Variants in AUTS2 observed in about 807,000 individuals in gnomAD.
AUTS2 encodes the protein autism susceptibility gene 2 protein.
Under a neutral mutation model 112.4 loss-of-function variants are expected in AUTS2, and 17 were observed. The observed-to-expected ratio is 0.15, with a 90% confidence interval of 0.10 to 0.23. The LOEUF is 0.23. AUTS2 is among the 10% of genes least tolerant of loss of function. AUTS2 has a pLI of 1.00. For synonymous variants in AUTS2, 751 were observed against 702.7 expected, an observed-to-expected ratio of 1.07 and a Z score of -1.09; for missense variants, 1,510 against 1,701.6, an observed-to-expected ratio of 0.89 and a Z score of 1.98.
At chr7:70,543,335 C>T (rs1055721513) in intron 5 of AUTS2, among the ~76,000 whole-genome samples, 2 of 151,982 alleles carry the variant, frequency 1.3e-5, no homozygotes, top group Admixed American at 6.6e-5. Flanking sequence ...AACCTCGTCT[C>T]TACTAAAAAT....
intron 1 of AUTS2, among the ~76,000 whole-genome samples, chr7:69,827,963 T>C (rs1791328334): frequency 6.6e-6 from 1 of 152,242 alleles, no homozygotes; most frequent in Non-Finnish European, 1.5e-5. Context: ...TTGTAGAAAC[T>C]GCCATGCCTC....
At chr7:69,996,632 C>G (rs1798952860) in intron 2 of AUTS2, among the ~76,000 whole-genome samples, 2 of 152,240 alleles carry the variant, frequency 1.3e-5, no homozygotes, top group East Asian at 3.9e-4. Flanking sequence ...TCTCGCCCAC[C>G]CGCTTCCCTT....
At chr7:70,112,071 C>T (rs1170020238) in intron 2 of AUTS2, among the ~76,000 whole-genome samples, 1 of 151,626 alleles carries the variant, frequency 6.6e-6, no homozygotes, top group East Asian at 1.9e-4. Flanking sequence ...TATAATTAGG[C>T]CATTTATTTC....
intron 1 of AUTS2, among the ~76,000 whole-genome samples, chr7:69,773,839 G>GT (rs1788778298): frequency 6.6e-6 from 1 of 152,210 alleles, no homozygotes; most frequent in Non-Finnish European, 1.5e-5. Context: ...AAAAAATAAT[G>GT]TGAGTCAGCT....
At chr7:70,567,390 C>T (rs762758160) in intron 5 of AUTS2, among the ~76,000 whole-genome samples, 4 of 152,188 alleles carry the variant, frequency 2.6e-5, no homozygotes, top group Non-Finnish European at 5.9e-5. Context: ...AAAAAAATTT[C>T]CATTGAGAGT....
intron 4 of AUTS2, among the ~76,000 whole-genome samples, chr7:70,218,873 A>G (rs992840659): frequency 1.3e-5 from 2 of 152,148 alleles, no homozygotes; most frequent in African/African-American, 4.8e-5. Flanking sequence ...AGCGATATGT[A>G]CCTGTAATTC....
At chr7:69,870,645 C>G (rs1793455166) in intron 1 of AUTS2, among the ~76,000 whole-genome samples, 2 of 151,838 alleles carry the variant, frequency 1.3e-5, no homozygotes, top group South Asian at 2.1e-4. Flanking sequence ...TTACAGTCCC[C>G]TCTTTACTAC....
chr7:70,196,815 T>A (rs1484460775), intron 4 of AUTS2, among the ~76,000 whole-genome samples: 1 of 152,206 alleles, frequency 6.6e-6, no homozygotes. Context: ...GTTTTGGTAC[T>A]ATTAATGGTC....
rs150316591 is a variant in AUTS2, at chr7:69,742,033, T to G, written c.309+142071T>G. On this transcript the variant is annotated intron_variant, in intron 1 of 18. Coordinates refer to ENST00000342771, the MANE Select transcript of AUTS2 (RefSeq NM_015570.4). ...CCAGGCTGGTGTTGAATTCCTGGGC[T>G]AAAGTGATCCTTTCCACCTCAGCCT... is the stretch of plus-strand genomic sequence containing the variant. 3.5e-3 allele frequency among the ~76,000 whole-genome samples: 536 copies of G among 151,514 alleles called. 1 individual carries two copies. Among genetic ancestry groups the G allele is most frequent in the African/African-American group, 0.012 (508 of 41,358 alleles).
chr7:70,720,850 A>T (rs998863432), intron 6 of AUTS2, among the ~76,000 whole-genome samples: 1 of 152,152 alleles, frequency 6.6e-6, no homozygotes, highest in Non-Finnish European at 1.5e-5. Context: ...TTCTCTGGGT[A>T]GAAAGGGTAT....
intron 2 of AUTS2, among the ~76,000 whole-genome samples, chr7:70,113,267 C>T (rs193143852): frequency 6.1e-4 from 93 of 151,994 alleles, no homozygotes; most frequent in African/African-American, 2.0e-3. Context: ...TTTGTGTTTG[C>T]TTATTTCGAT....
intron 4 of AUTS2, among the ~76,000 whole-genome samples, chr7:70,264,852 A>C (rs764298225): frequency 1.8e-4 from 28 of 152,210 alleles, no homozygotes; most frequent in Non-Finnish European, 3.4e-4. Context: ...AAGAACAGCA[A>C]AATTTTTAGA....
Position 69,697,435 on chromosome 7 carries a change from A to G in AUTS2, c.309+97473A>G, listed in dbSNP as rs140286502. On this transcript the variant is annotated intron_variant, in intron 1 of 18. Coordinates refer to ENST00000342771, the MANE Select transcript of AUTS2 (RefSeq NM_015570.4). ...GCCTTGGGGAACTCACAGTTGAGAG[A>G]GGATTAAATTAAGAAACCCACCAAT... Among the ~76,000 whole-genome samples, 220 of 152,316 alleles carry G rather than the reference A, an allele frequency of 1.4e-3. 5 individuals carry two copies. The highest frequency in any genetic ancestry group is 7.5e-3 in the South Asian group (36 of 4,826).
chr7:70,009,137 A>C (rs1799676729), intron 2 of AUTS2, among the ~76,000 whole-genome samples: 1 of 152,132 alleles, frequency 6.6e-6, no homozygotes. Flanking sequence ...TTGCTGCTTC[A>C]TTCCATGGGA....
chr7:69,982,930 A>G (rs1798356070), intron 2 of AUTS2, among the ~76,000 whole-genome samples: 1 of 152,230 alleles, frequency 6.6e-6, no homozygotes, highest in Admixed American at 6.5e-5. Context: ...ACAGAGTTTT[A>G]GAGCTGAAGA....
chr7:69,671,486 GGTGTGTGT>G (rs201047003), intron 1 of AUTS2, among the ~76,000 whole-genome samples: 16,310 of 138,582 alleles, frequency 0.12, 921 homozygotes, highest in Middle Eastern at 0.24. Flanking sequence ...TGCTGCTGCT[GGTGTGTGT>G]GTGTGTGTGT....
At chr7:70,495,235 TAAA>T (rs34861688) in intron 5 of AUTS2, among the ~76,000 whole-genome samples, 63 of 102,754 alleles carry the variant, frequency 6.1e-4, no homozygotes, top group African/African-American at 2.1e-3. Context: ...ACCTTTTCTT[TAAA>T]AAAAAAAAAA....
chr7:70,303,231 C>G (rs1230852318), intron 4 of AUTS2, among the ~76,000 whole-genome samples: 2 of 152,150 alleles, frequency 1.3e-5, no homozygotes, highest in South Asian at 2.1e-4. Flanking sequence ...GCCACCCCCA[C>G]TTCCACTCGG....
chr7:70,423,343 A>G (rs894645528), intron 4 of AUTS2, among the ~76,000 whole-genome samples: 1 of 152,246 alleles, frequency 6.6e-6, no homozygotes, highest in African/African-American at 2.4e-5. Flanking sequence ...AGGGCTATCA[A>G]AACTATCTCC....
Sources: allele counts gnomAD v4.1 joint callset (sites outside exome capture counted in the v4.1 genomes callset), GRCh38; gene constraint gnomAD v4.1.1; transcripts MANE v1.5; gene names NCBI Gene and HGNC (gene_info 2026-07-23, HGNC 2026-07-21).